The following COG5 variants were observed in gnomAD, a reference collection of about 807,000 sequenced individuals.
The protein encoded by COG5 is conserved oligomeric Golgi complex subunit 5.
COG5 carries 86 observed loss-of-function variants against 110.4 expected under a neutral mutation model. That is an observed-to-expected ratio of 0.78 (90% CI 0.65 to 0.93). The LOEUF is 0.93. Among genes scored for constraint, COG5 ranks in the 40% least tolerant of loss-of-function variants. The pLI is 0.00. For missense variants in COG5, 1,077 were observed against 987.0 expected (o/e 1.09, Z -1.22); for synonymous variants, 360 against 334.6 (o/e 1.08, Z -0.83).
intron 6 of COG5, among the ~76,000 whole-genome samples, chr7:107,466,513 G>C (rs553941096): frequency 1.3e-4 from 20 of 152,200 alleles, no homozygotes; most frequent in Non-Finnish European, 2.6e-4. Context: ...ATGCAATTCT[G>C]ATGCATGTGC....
intron 6 of COG5, among the ~76,000 whole-genome samples, chr7:107,490,651 C>A (rs990120837): frequency 2.6e-5 from 4 of 152,048 alleles, no homozygotes; most frequent in African/African-American, 9.7e-5. Context: ...TGGGCAGGGT[C>A]AAAGGAAATC....
chr7:107,211,042 T>G (rs1799123375), intron 20 of COG5, 57 bp downstream of exon 20: 1 of 1,598,154 alleles, frequency 6.3e-7, no homozygotes, highest in Admixed American at 1.7e-5. Flanking sequence ...GGGCTCAGGA[T>G]TCACACAGGT....
chr7:107,412,620 T>G lies in COG5; in HGVS notation c.551A>C (p.Gln184Pro). The G allele has an allele frequency of 6.5e-7, 1 of 1,538,774 alleles. No homozygotes were observed. The highest frequency in any genetic ancestry group is 9.0e-7 in the Non-Finnish European group (1 of 1,113,838). Reference sequence around the variant, plus strand: ...TTCTATTCCAGAAAGATCTATTCCTTGAGAAAGATAATCTGTTTAAAACAA... The same window carrying G: ...TTCTATTCCAGAAAGATCTATTCCTGGAGAAAGATAATCTGTTTAAAACAA... ...QSLNELDYLS[Q>P]GIDLSGIEVI... is the part of the protein sequence containing the mutation. The change falls in exon 7 of 22, where the codon CAA becomes CCA. Residue 184 changes from glutamine (Q) to proline (P), a missense_variant. Transcript: ENST00000297135.
At position 107,406,160 on chromosome 7, in the gene COG5, A is replaced by G. The variant is rs567129763; in HGVS notation, c.669+6342T>C. On this transcript the variant is annotated intron_variant, in intron 7 of 21. Transcript: ENST00000297135. ...TCAATAAACTATGATAATATGATAC[A>G]TATGGCCTTACAGGGAGAAAATACT... 4.0e-3 allele frequency among the ~76,000 whole-genome samples: 608 copies of G among 152,296 alleles called. 2 individuals carry two copies. The highest frequency in any genetic ancestry group is 6.7e-3 in the Non-Finnish European group (456 of 68,012).
chr7:107,259,238 C>G lies in COG5; in HGVS notation c.1576-855G>C, dbSNP rs150465552. Reference sequence around the variant, plus strand: ...AAAGATAAATTAAACTTGATCAGGACATAGAAAGTATAACCAGGTTAAACA... The same window carrying G: ...AAAGATAAATTAAACTTGATCAGGAGATAGAAAGTATAACCAGGTTAAACA... On this transcript the variant is annotated intron_variant, in intron 14 of 21. Transcript: ENST00000297135. Among the ~76,000 whole-genome samples, 117 of 152,162 alleles carry G rather than the reference C, an allele frequency of 7.7e-4. 1 individual carries two copies. In the East Asian group the frequency reaches 0.021, roughly 28 times the overall value.
intron 5 of COG5, among the ~76,000 whole-genome samples, chr7:107,540,025 T>C (rs1801862614): frequency 6.6e-6 from 1 of 152,014 alleles, no homozygotes; most frequent in Non-Finnish European, 1.5e-5. Flanking sequence ...AGTTGGGAAG[T>C]AGAGATTACA....
intron 7 of COG5, among the ~76,000 whole-genome samples, chr7:107,393,918 TAA>T (rs1484257718): frequency 6.6e-6 from 1 of 152,090 alleles, no homozygotes; most frequent in Non-Finnish European, 1.5e-5. Flanking sequence ...GATTATAATA[TAA>T]AATTTGATAA....
chr7:107,314,474 C>T (rs1398987351), intron 11 of COG5, among the ~76,000 whole-genome samples: 18 of 151,240 alleles, frequency 1.2e-4, no homozygotes, highest in African/African-American at 3.6e-4. Flanking sequence ...CTGGGCACAG[C>T]GGCTCACGCC....
intron 7 of COG5, 101 bp downstream of exon 7, chr7:107,412,401 T>C (rs1035993666): frequency 4.6e-6 from 5 of 1,092,622 alleles, no homozygotes; most frequent in African/African-American, 3.1e-5. Flanking sequence ...CTCAGTGATA[T>C]ATTACTATAA....
intron 6 of COG5, among the ~76,000 whole-genome samples, chr7:107,454,068 A>C (rs1584844942): frequency 6.6e-6 from 1 of 152,284 alleles, no homozygotes; most frequent in East Asian, 1.9e-4. Flanking sequence ...TTCAAAACTA[A>C]TTCAATATGA....
chr7:107,562,282 C>T (rs1803876207), intron 1 of COG5, among the ~76,000 whole-genome samples: 1 of 152,104 alleles, frequency 6.6e-6, no homozygotes, highest in Non-Finnish European at 1.5e-5. Flanking sequence ...GAGTATTTAC[C>T]GTCCAAGAAC....
At chr7:107,279,908 T>C (rs1805029872) in intron 14 of COG5, among the ~76,000 whole-genome samples, 1 of 152,152 alleles carries the variant, frequency 6.6e-6, no homozygotes, top group Non-Finnish European at 1.5e-5. Flanking sequence ...GATATTTTGA[T>C]TTCGTCTAAG....
At chr7:107,524,731 G>A (rs2520257) in intron 6 of COG5, among the ~76,000 whole-genome samples, 62,237 of 151,944 alleles carry the variant, frequency 0.41, 13,206 homozygotes, top group Non-Finnish European at 0.47. Flanking sequence ...TCATCTGCAA[G>A]GCTTTTAAAA....
At chr7:107,393,276 A>G (rs1166371200) in intron 7 of COG5, among the ~76,000 whole-genome samples, 1 of 152,094 alleles carries the variant, frequency 6.6e-6, no homozygotes. Context: ...GTTTCCTTAC[A>G]TCCCCTACCA....
chr7:107,248,631 A>G (rs1201015024), intron 16 of COG5, 132 bp from the exon 17 acceptor site: 23 of 683,180 alleles, frequency 3.4e-5, no homozygotes, highest in Non-Finnish European at 5.6e-5. Flanking sequence ...AGTTAACAGA[A>G]GTCTGCTCCT....
At chr7:107,529,977 C>T (rs1035336922) in intron 5 of COG5, among the ~76,000 whole-genome samples, 4 of 152,104 alleles carry the variant, frequency 2.6e-5, no homozygotes, top group African/African-American at 7.2e-5. Context: ...AAATCTCATT[C>T]CTCTGAGATT....
chr7:107,300,783 ATTTC>A (rs1277285219), intron 11 of COG5, among the ~76,000 whole-genome samples: 4 of 152,148 alleles, frequency 2.6e-5, no homozygotes, highest in Non-Finnish European at 5.9e-5. Context: ...TCAATGCAGG[ATTTC>A]TTTTAGTAGA....
intron 11 of COG5, among the ~76,000 whole-genome samples, chr7:107,322,236 T>C (rs1404098720): frequency 6.6e-6 from 1 of 152,062 alleles, no homozygotes; most frequent in Non-Finnish European, 1.5e-5. Context: ...GGGGAGAAAA[T>C]CCTCATGAAT....
intron 6 of COG5, chr7:107,475,189 G>T (rs1251231889): frequency 1.2e-6 from 2 of 1,611,222 alleles, no homozygotes; most frequent in African/African-American, 1.3e-5. Context: ...ATTTCAAAAG[G>T]TCTTGAAAAG....
Sources: allele counts gnomAD v4.1 joint callset (sites outside exome capture counted in the v4.1 genomes callset), GRCh38; gene constraint gnomAD v4.1.1; transcripts MANE v1.5; gene names NCBI Gene and HGNC (gene_info 2026-07-23, HGNC 2026-07-21).